Variants in WDR87 observed in about 807,000 individuals in gnomAD.
WDR87 encodes WD repeat-containing protein 87.
A neutral mutation model predicts 83.3 loss-of-function variants in WDR87; 56 were observed. The ratio of observed to expected loss-of-function variants is 0.67; its 90% CI spans 0.54 to 0.84. The LOEUF (loss-of-function observed/expected upper bound fraction) is 0.84. WDR87 is among the 40% of genes least tolerant of loss of function. The pLI is 0.00. For synonymous variants in WDR87, 1,173 were observed against 1,250.6 expected (o/e 0.94, Z 1.31); for missense variants, 2,939 against 3,431.9 (o/e 0.86, Z 3.59).
rs1448474735 is a variant in WDR87 at position 37,888,220 on chromosome 19, G to A, written c.5451C>T (p.Ile1817=). The A allele has an allele frequency of 1.3e-6, 2 of 1,551,660 alleles. No individual in the cohort carries two copies. Among genetic ancestry groups the A allele is most frequent in the African/African-American group, 2.7e-5 (2 of 72,868 alleles). Reference sequence around the variant, plus strand: ...GCTGGGCCAGTTTCTCCTTTTCCTGGATCAGCAACTCTTCTTCCTGGGCCA... The same window carrying A: ...GCTGGGCCAGTTTCTCCTTTTCCTGAATCAGCAACTCTTCTTCCTGGGCCA... ...TKLAQEEELL[I]QEKEKLAQHK... The change falls in exon 6 of 6, where the codon ATC becomes ATT. Residue 1817 remains isoleucine, a synonymous_variant. Transcript: ENST00000447313.
At position 37,893,662 on chromosome 19, in the gene WDR87, C is replaced by G; in HGVS notation, c.2041G>C (p.Ala681Pro). The change falls in exon 4 of 6, where the codon GCC becomes CCC. Residue 681 changes from alanine to proline, a missense_variant. This residue lies in a region of WDR87 where 553 missense variants were observed against 577.9 expected (regional missense o/e 0.96). Coordinates refer to ENST00000447313, the MANE Select transcript of WDR87 (RefSeq NM_001291088.2). ...LVSCLKLLPP[A>P]LLTRLSFMSI... ...ATAAAGGAAAGGCGAGTCAGCAGGG[C>G]TGGGGGAAGCAATTTTAAACAGGAC... The G allele has an allele frequency of 6.4e-7, 1 of 1,552,106 alleles. No homozygotes were observed. The highest frequency in any genetic ancestry group is 8.7e-7 in the Non-Finnish European group (1 of 1,147,104).
At chr19:37,899,421 A>AG (rs1266733975) in intron 1 of WDR87, among the ~76,000 whole-genome samples, 5 of 149,656 alleles carry the variant, frequency 3.3e-5, no homozygotes, top group African/African-American at 1.2e-4. Context: ...AGTCTCAAAA[A>AG]AAAAAAAAAA....
rs2046205839 is a variant in WDR87 at position 37,891,616 on chromosome 19, T to C, written c.3330A>G (p.Glu1110=). The C allele has an allele frequency of 1.9e-6, 3 of 1,551,884 alleles. No homozygotes were observed. Among genetic ancestry groups the C allele is most frequent in the African/African-American group, 2.7e-5 (2 of 73,036 alleles). The change falls in exon 5 of 6, where the codon GAA becomes GAG. Residue 1110 remains glutamate (E), a synonymous_variant. Coordinates refer to ENST00000447313, the MANE Select transcript of WDR87 (RefSeq NM_001291088.2). The part of the protein sequence containing the change: ...SSLKPPTVSE[E]SEVAIKPSKG... The stretch of plus-strand genomic sequence containing the variant: ...TGCTGGGCTTGATGGCCACTTCAGA[T>C]TCTTCAGAAACTGTAGGAGGTTTCA...
rs1312167292 is a variant in WDR87, at chr19:37,889,307, A to AT, written c.4363dup (p.Ile1455AsnfsTer14). ...CTCTTCTTTGGTCATTTCCCTCTTT[A>AT]TTTTTCCTACTTTTCTTTCCTTCTG... On this transcript the variant is annotated frameshift_variant, in exon 6 of 6. Coordinates refer to ENST00000447313, the MANE Select transcript of WDR87 (RefSeq NM_001291088.2). LOFTEE classifies it low-confidence loss of function (END_TRUNC). 48 of 1,549,942 alleles carry AT rather than the reference A, an allele frequency of 3.1e-5. No individual in the cohort carries two copies. The highest frequency in any genetic ancestry group is 4.2e-5 in the Non-Finnish European group (48 of 1,146,580).
chr19:37,892,816 G>A lies in WDR87; in HGVS notation c.2887C>T (p.Arg963Cys), dbSNP rs372506795. ...TTGGTTGTATCATTCAGTAGCCGAC[G>A]GGCTGTCTCAGAGCGTAGGGCTGGG... The part of the protein sequence containing the change: ...VSPALRSETA[R>C]RLLNDTTNSN... The change falls in exon 4 of 6, where the codon CGT becomes TGT. Residue 963 changes from arginine to cysteine, a missense_variant. Physicochemically the swap from Arg to Cys is radical, Grantham distance 180 (BLOSUM62 -3). Around this residue, in one of 3 missense-constraint regions of WDR87, gnomAD observed 2,160 missense variants for 2,533.1 expected, o/e 0.85. Coordinates refer to ENST00000447313, the MANE Select transcript of WDR87 (RefSeq NM_001291088.2). The A allele has an allele frequency of 9.4e-5, 146 of 1,551,748 alleles. 1 individual carries two copies. Among genetic ancestry groups the A allele is most frequent in the East Asian group, 7.6e-4 (31 of 40,916 alleles).
intron 4 of WDR87, among the ~76,000 whole-genome samples, chr19:37,892,193 G>A (rs543220727): frequency 1.3e-5 from 2 of 152,308 alleles, no homozygotes; most frequent in East Asian, 3.9e-4. Flanking sequence ...AGGAGTTCGA[G>A]ACCAGCCTGG....
Position 37,889,933 on chromosome 19 carries a change from T to A in WDR87, c.3738A>T (p.Thr1246=). ...TAACTGGCTGTTCCATTACAGGAGGTGTAGTTTCCTCATTTATAACTTTGG... is the reference window on the plus strand; with the variant it reads ...TAACTGGCTGTTCCATTACAGGAGGAGTAGTTTCCTCATTTATAACTTTGG... The part of the protein sequence containing the change: ...KEAKVINEET[T]PPVMEQPVTK... Residue 1246 remains threonine, a synonymous_variant, in exon 6 of 6, where the codon ACA becomes ACT. Coordinates refer to ENST00000447313, the MANE Select transcript of WDR87 (RefSeq NM_001291088.2). The A allele has an allele frequency of 6.4e-7, 1 of 1,551,562 alleles. No homozygotes were observed. The highest frequency in any genetic ancestry group is 8.7e-7 in the Non-Finnish European group (1 of 1,146,984).
rs753547019 is a variant in WDR87 at position 37,893,045 on chromosome 19, G to A, written c.2658C>T (p.Phe886=). The change falls in exon 4 of 6, where the codon TTC becomes TTT. Residue 886 remains phenylalanine (F), a synonymous_variant. Transcript: ENST00000447313. ...CATCCTTGGAAAGTCTCATTTCTAG[G>A]AAGTGTTCATCCTCCTCCTTATTCT... ...YPKNKEEDEH[F]LEMRLSKDVT... 1.5e-5 allele frequency: 24 copies of A among 1,551,728 alleles called. No homozygotes were observed. The highest frequency in any genetic ancestry group is 2.1e-5 in the Non-Finnish European group (24 of 1,147,004).
At position 37,888,003 on chromosome 19, in the gene WDR87, C is replaced by T; in HGVS notation, c.5668G>A (p.Glu1890Lys). The T allele has an allele frequency of 6.5e-7, 1 of 1,550,080 alleles. No individual in the cohort carries two copies. The highest frequency in any genetic ancestry group is 8.7e-7 in the Non-Finnish European group (1 of 1,146,704). Residue 1890 changes from glutamate (E) to lysine (K), a missense_variant, in exon 6 of 6, where the codon GAA (glutamate) becomes AAA (lysine). This residue lies in a region of WDR87 where 2,160 missense variants were observed against 2,533.1 expected (regional missense o/e 0.85). Transcript: ENST00000447313. ...TTCTCTTTCCTCTGAGCCAATTTTT[C>T]CTTCTCCTGGGCCAGATTCTTCTTT... ...QEKKNLAQEKEKLAQRKENLL... is the reference protein window; with the variant it reads ...QEKKNLAQEKKKLAQRKENLL...
chr19:37,902,210 C>A (rs912012657), intron 1 of WDR87, among the ~76,000 whole-genome samples: 1 of 151,818 alleles, frequency 6.6e-6, no homozygotes, highest in South Asian at 2.1e-4. Flanking sequence ...TCTTTTATTT[C>A]TTTTTCCTTT....
chr19:37,891,394 C>T (rs1339982072), intron 5 of WDR87, among the ~76,000 whole-genome samples, 158 bp downstream of exon 5: 1 of 152,064 alleles, frequency 6.6e-6, no homozygotes, highest in Non-Finnish European at 1.5e-5. Flanking sequence ...GAGCTCCTGA[C>T]CTCAAGTGAT....
rs1228276826 is a variant in WDR87, at chr19:37,888,962, G to A, written c.4709C>T (p.Ser1570Phe). The change falls in exon 6 of 6, where the codon TCT becomes TTT. Residue 1570 changes from serine to phenylalanine, a missense_variant. Coordinates refer to ENST00000447313, the MANE Select transcript of WDR87 (RefSeq NM_001291088.2). ...CTTGTACTGTTGCTCCTTGGACTTA[G>A]ATGATAACATATTTTCCCAGACTTG... ...WKQVWENMLSSKSKEQQYKDE... is the reference protein window; with the variant it reads ...WKQVWENMLSFKSKEQQYKDE... The A allele has an allele frequency of 1.9e-6, 3 of 1,551,822 alleles. No individual in the cohort carries two copies.
chr19:37,898,639 G>C (rs970070591), intron 1 of WDR87, among the ~76,000 whole-genome samples: 1 of 152,150 alleles, frequency 6.6e-6, no homozygotes, highest in Non-Finnish European at 1.5e-5. Flanking sequence ...TGGTGTGTCC[G>C]GAGAGCATTT....
Position 37,889,969 on chromosome 19 carries a change from C to T in WDR87, c.3702G>A (p.Lys1234=). ...CATTTATAACTTTGGCTTCTTTTCC[C>T]TTCTTTTTGTGCTTCTTTTTGAGTT... ...AQKLKKKHKK[K]GKEAKVINEE... Residue 1234 remains lysine, a synonymous_variant, in exon 6 of 6, where the codon AAG becomes AAA. Coordinates refer to ENST00000447313, the MANE Select transcript of WDR87 (RefSeq NM_001291088.2). 16 of 1,551,648 alleles carry T rather than the reference C, an allele frequency of 1.0e-5. No individual in the cohort carries two copies. Among genetic ancestry groups the T allele is most frequent in the Non-Finnish European group, 1.4e-5 (16 of 1,146,998 alleles).
In WDR87 at chr19:37,889,910, AC is replaced by A. The variant is rs2046189542; in HGVS notation, c.3760del (p.Val1254LeufsTer38). ...CCCTTGGATTTTAACCTTTTTAGTA[AC>A]TGGCTGTTCCATTACAGGAGGTGTA... ...ETTPPVMEQP[V>X]TKKVKIQGRG... On this transcript the variant is annotated frameshift_variant, in exon 6 of 6. Transcript: ENST00000447313. LOFTEE classifies it low-confidence loss of function (END_TRUNC). The A allele has an allele frequency of 6.4e-7, 1 of 1,551,406 alleles. No homozygotes were observed. Among genetic ancestry groups the A allele is most frequent in the African/African-American group, 1.4e-5 (1 of 72,972 alleles).
Position 37,906,576 on chromosome 19 carries a change from AAG to A in WDR87, c.-126_-125del, listed in dbSNP as rs1301574525. ...CCTAGAGCTAGGGGCAGCAACTAAG[AAG>A]CTACCTGGCGGATGTTGCGAGAGGA... is the stretch of plus-strand genomic sequence containing the variant. On this transcript the variant is annotated 5_prime_UTR_variant, in exon 1 of 6. Coordinates refer to ENST00000447313, the MANE Select transcript of WDR87 (RefSeq NM_001291088.2). 1 of 152,014 alleles carries A rather than the reference AAG, an allele frequency of 6.6e-6. No individual in the cohort carries two copies. Among genetic ancestry groups the A allele is most frequent in the Non-Finnish European group, 1.5e-5 (1 of 67,986 alleles). 9.4% of individuals were successfully genotyped at this position (152,014 alleles called of 1,614,324 possible). A position where few individuals can be genotyped will look rare whatever the true frequency, so the allele number is the denominator to read the frequency against.
Position 37,893,822 on chromosome 19 carries a change from A to G in WDR87, c.1881T>C (p.Asp627=). 6.4e-7 allele frequency: 1 copy of G among 1,551,812 alleles called. No homozygotes were observed. Among genetic ancestry groups the G allele is most frequent in the Non-Finnish European group, 8.7e-7 (1 of 1,147,012 alleles). ...GGAAGTCCCAGATCCGAACAGAGCC[A>G]TCGGCAGAACCTGTGACAAAAAGAC... ...SLSLFVTGSA[D]GSVRIWDFHG... Residue 627 remains aspartate (D), a synonymous_variant, in exon 4 of 6, where the codon GAT becomes GAC. Transcript: ENST00000447313.
rs758820265 is a variant in WDR87, at chr19:37,893,419, G to T, written c.2284C>A (p.Arg762Ser). Residue 762 changes from arginine (R) to serine (S), a missense_variant, in exon 4 of 6, where the codon CGT becomes AGT. By Grantham distance (110) the Arg-to-Ser change is moderately radical. Transcript: ENST00000447313. Reference protein sequence around the residue: ...EDEEGSPVLLRSSMHYSLQDM... With the variant: ...EDEEGSPVLLSSSMHYSLQDM... ...TGCAAAGAATAATGCATGGAGGAAC[G>T]CAGTAACACTGGGCTCCCTTCCTCA... 1.9e-6 allele frequency: 3 copies of T among 1,552,166 alleles called. No homozygotes were observed. Among genetic ancestry groups the T allele is most frequent in the Non-Finnish European group, 2.6e-6 (3 of 1,147,108 alleles).
rs868375962 is a variant in WDR87 at position 37,898,359 on chromosome 19, A to T, written c.-46-74T>A. On this transcript the variant is annotated intron_variant, in intron 1 of 5. Coordinates refer to ENST00000447313, the MANE Select transcript of WDR87 (RefSeq NM_001291088.2). ...AGCTAGGAATCAGAAAGCAACAACA[A>T]TGAACTCATGTTTATTGAACACCTT... is the stretch of plus-strand genomic sequence containing the variant. 2.3e-5 allele frequency: 34 copies of T among 1,472,478 alleles called. 1 individual carries two copies. In the African/African-American group the frequency reaches 4.0e-4, roughly 17 times the overall value. The allele number at this position is 1,472,478 out of a possible 1,614,324, so 91.2% of individuals were successfully genotyped here.
Sources: allele counts gnomAD v4.1 joint callset (sites outside exome capture counted in the v4.1 genomes callset), GRCh38; gene constraint gnomAD v4.1.1; regional missense constraint gnomAD v4.1.1; transcripts MANE v1.5; gene names NCBI Gene and HGNC (gene_info 2026-07-23, HGNC 2026-07-21).